Variants in DLC1 observed in about 807,000 individuals in gnomAD.
DLC1 encodes the protein DLC1 Rho GTPase activating protein, also known as rho GTPase-activating protein 7.
A neutral mutation model predicts 140.3 loss-of-function variants in DLC1; 54 were observed. That is an observed-to-expected ratio of 0.38 (90% confidence interval 0.31 to 0.48). The LOEUF is 0.48. Among genes scored for constraint, DLC1 ranks in the 20% least tolerant of loss-of-function variants. The pLI is 0.96. For synonymous variants in DLC1, 986 were observed against 728.1 expected, an observed-to-expected ratio of 1.35 and a Z score of -5.70; for missense variants, 2,536 against 1,907.0, an observed-to-expected ratio of 1.33 and a Z score of -6.14.
chr8:13,574,998 C>T (rs1359777504), intron 1 of DLC1, among the ~76,000 whole-genome samples: 2 of 152,130 alleles, frequency 1.3e-5, no homozygotes, highest in African/African-American at 4.8e-5. Flanking sequence ...CTAAAAGTGA[C>T]AGATGAGAAA....
chr8:13,132,565 G>A (rs1363165394), intron 5 of DLC1, among the ~76,000 whole-genome samples: 2 of 152,166 alleles, frequency 1.3e-5, no homozygotes, highest in African/African-American at 2.4e-5. Context: ...GTCCCCAGAG[G>A]AAAGGAAGGT....
At chr8:13,503,497 G>A (rs915056261) in intron 1 of DLC1, among the ~76,000 whole-genome samples, 2 of 152,154 alleles carry the variant, frequency 1.3e-5, no homozygotes, top group East Asian at 1.9e-4. Flanking sequence ...AAATGATCAT[G>A]CTCTATTTTT....
At position 13,305,032 on chromosome 8, in the gene DLC1, C is replaced by T. The variant is rs17191712; in HGVS notation, c.1348+237G>A. 64,110 of 1,135,402 alleles carry T rather than the reference C, an allele frequency of 0.056. 2,053 individuals are homozygous for T. Among genetic ancestry groups the T allele is most frequent in the South Asian group, 0.13 (3,107 of 24,458 alleles). The allele number at this position is 1,135,402 out of a possible 1,614,324, so 70.3% of individuals were successfully genotyped here. ...GAAAAAAAAATTGTGGTTGCAGTTA[C>T]AAGGAAGACCCCAAGAAACACATAT... On this transcript the variant is annotated intron_variant, in intron 5 of 17. Coordinates refer to ENST00000276297, the MANE Select transcript of DLC1 (RefSeq NM_182643.3).
At chr8:13,409,218 CAT>C (rs1837686551) in intron 2 of DLC1, among the ~76,000 whole-genome samples, 1 of 152,038 alleles carries the variant, frequency 6.6e-6, no homozygotes, top group African/African-American at 2.4e-5. Context: ...ATTGTATATA[CAT>C]GGTATATAAT....
chr8:13,099,112 C>T (rs1486714723), intron 9 of DLC1, among the ~76,000 whole-genome samples: 1 of 151,934 alleles, frequency 6.6e-6, no homozygotes, highest in Admixed American at 6.6e-5. Context: ...CATTGTGTGA[C>T]CATCTCTGCC....
chr8:13,307,081 CAAAAAA>C (rs34372620), intron 4 of DLC1, among the ~76,000 whole-genome samples: 1 of 70,160 alleles, frequency 1.4e-5, no homozygotes, highest in Non-Finnish European at 2.4e-5. Flanking sequence ...GAGACTCTGT[CAAAAAA>C]AAAAAAAAAA....
intron 2 of DLC1, among the ~76,000 whole-genome samples, chr8:13,438,936 T>A (rs1027503713): frequency 6.6e-6 from 1 of 152,206 alleles, no homozygotes; most frequent in Non-Finnish European, 1.5e-5. Flanking sequence ...ATGATCTCTG[T>A]TGTGACTAGT....
intron 5 of DLC1, among the ~76,000 whole-genome samples, chr8:13,233,190 G>C (rs1487483077): frequency 6.7e-6 from 1 of 148,778 alleles, no homozygotes; most frequent in Non-Finnish European, 1.5e-5. Context: ...AGCTACTCAA[G>C]AGGCTGAGGC....
At chr8:13,523,266 G>T (rs980608624) in intron 1 of DLC1, among the ~76,000 whole-genome samples, 1 of 152,152 alleles carries the variant, frequency 6.6e-6, no homozygotes, top group African/African-American at 2.4e-5. Context: ...TGTTGTTGTG[G>T]TTCATGCTAC....
chr8:13,356,568 A>T (rs553380076), intron 4 of DLC1, among the ~76,000 whole-genome samples: 2 of 152,324 alleles, frequency 1.3e-5, no homozygotes, highest in South Asian at 4.1e-4. Flanking sequence ...CTGTCTCCTT[A>T]GAATTTTTCC....
intron 1 of DLC1, among the ~76,000 whole-genome samples, chr8:13,569,732 T>G (rs1229899779): frequency 6.6e-6 from 1 of 152,182 alleles, no homozygotes; most frequent in Non-Finnish European, 1.5e-5. Flanking sequence ...TGTTACTTAT[T>G]TATTATTGAG....
At chr8:13,111,906 G>A (rs1820143277) in intron 6 of DLC1, among the ~76,000 whole-genome samples, 1 of 152,124 alleles carries the variant, frequency 6.6e-6, no homozygotes, top group Non-Finnish European at 1.5e-5. Context: ...CAGTTTGGGA[G>A]GCCCCAAGGA....
At chr8:13,548,013 C>A (rs761140348) in intron 1 of DLC1, among the ~76,000 whole-genome samples, 6 of 152,010 alleles carry the variant, frequency 3.9e-5, no homozygotes, top group African/African-American at 1.4e-4. Context: ...TTAAAAATAG[C>A]ACTTAAAATA....
chr8:13,239,564 T>C (rs1471076714), intron 5 of DLC1, among the ~76,000 whole-genome samples: 2 of 152,172 alleles, frequency 1.3e-5, no homozygotes, highest in Non-Finnish European at 2.9e-5. Flanking sequence ...GTTCAGGGAC[T>C]GAGTCTAGGA....
At chr8:13,412,311 AT>A (rs924044114) in intron 2 of DLC1, among the ~76,000 whole-genome samples, 1 of 152,124 alleles carries the variant, frequency 6.6e-6, no homozygotes. Context: ...TGGAAATAGA[AT>A]TTTTTTCCCC....
At chr8:13,326,692 C>G (rs1281123666) in intron 4 of DLC1, among the ~76,000 whole-genome samples, 2 of 152,170 alleles carry the variant, frequency 1.3e-5, no homozygotes, top group Non-Finnish European at 2.9e-5. Flanking sequence ...CAAACTTCAG[C>G]GTGCATTGGA....
At chr8:13,571,728 G>C (rs1163971879) in intron 1 of DLC1, among the ~76,000 whole-genome samples, 1 of 152,194 alleles carries the variant, frequency 6.6e-6, no homozygotes, top group Non-Finnish European at 1.5e-5. Context: ...ATACTTAGAA[G>C]TAGAATTGCT....
intron 2 of DLC1, among the ~76,000 whole-genome samples, chr8:13,490,893 C>T (rs772241492): frequency 1.3e-5 from 2 of 151,554 alleles, no homozygotes; most frequent in African/African-American, 4.8e-5. Context: ...AGAGGCCCCT[C>T]ATACATCGTA....
chr8:13,095,360 G>T (rs1310423678), intron 10 of DLC1, 115 bp from the exon 11 acceptor site: 9 of 1,302,546 alleles, frequency 6.9e-6, no homozygotes, highest in Non-Finnish European at 8.5e-6. Context: ...TAATACGGTG[G>T]CTACTTAAAT....
Sources: allele counts gnomAD v4.1 joint callset (sites outside exome capture counted in the v4.1 genomes callset), GRCh38; gene constraint gnomAD v4.1.1; transcripts MANE v1.5; gene names NCBI Gene and HGNC (gene_info 2026-07-23, HGNC 2026-07-21).